Variants in UBE2E2 observed in about 807,000 individuals in gnomAD.
The protein encoded by UBE2E2 is ubiquitin-conjugating enzyme E2 E2.
A neutral mutation model predicts 24.7 loss-of-function variants in UBE2E2; 6 were observed. The observed-to-expected ratio is 0.24, with a 90% confidence interval of 0.13 to 0.48. The LOEUF is 0.48. Among genes scored for constraint, UBE2E2 ranks in the 20% least tolerant of loss-of-function variants. The pLI is 0.99. For synonymous variants in UBE2E2, 104 were observed against 83.6 expected, an observed-to-expected ratio of 1.24 and a Z score of -1.33; for missense variants, 169 against 245.0, an observed-to-expected ratio of 0.69 and a Z score of 2.07.
chr3:23,303,837 C>T (rs1699171589), intron 3 of UBE2E2, among the ~76,000 whole-genome samples: 3 of 152,180 alleles, frequency 2.0e-5, no homozygotes, highest in Admixed American at 2.0e-4. Context: ...TCTGACCATT[C>T]TTGGCCTTTT....
intron 3 of UBE2E2, among the ~76,000 whole-genome samples, chr3:23,443,754 A>T (rs916748504): frequency 3.3e-5 from 5 of 152,186 alleles, no homozygotes; most frequent in African/African-American, 9.7e-5. Context: ...TGCATAAAAG[A>T]TGCCCAGTAT....
chr3:23,405,077 A>G (rs1697322070), intron 3 of UBE2E2, among the ~76,000 whole-genome samples: 1 of 152,182 alleles, frequency 6.6e-6, no homozygotes, highest in Non-Finnish European at 1.5e-5. Context: ...GTAATCAGTG[A>G]ATTTTTGAAA....
rs575459865 is a variant in UBE2E2 at position 23,461,649 on chromosome 3, C to T, written c.228-37959C>T. On this transcript the variant is annotated intron_variant, in intron 3 of 5. Transcript: ENST00000396703. ...AATGTAGATAAAATATCCTGAGTTG[C>T]ATTTATAATACATTTTAGTTGAAGC... 8.6e-5 allele frequency among the ~76,000 whole-genome samples: 13 copies of T among 151,822 alleles called. No individual in the cohort carries two copies. In the South Asian group the frequency reaches 2.7e-3, roughly 32 times the overall value.
At chr3:23,424,407 G>A (rs1000794914) in intron 3 of UBE2E2, among the ~76,000 whole-genome samples, 2 of 151,556 alleles carry the variant, frequency 1.3e-5, no homozygotes, top group African/African-American at 2.4e-5. Flanking sequence ...TTTCTGGGAG[G>A]AGAGCACATA....
intron 3 of UBE2E2, among the ~76,000 whole-genome samples, chr3:23,450,345 G>A (rs896520311): frequency 1.3e-5 from 2 of 152,104 alleles, no homozygotes; most frequent in East Asian, 1.9e-4. Flanking sequence ...AGTCCTTGAC[G>A]TGTGGTTCTA....
Position 23,532,567 on chromosome 3 carries a change from C to A in UBE2E2, c.374C>A (p.Thr125Lys). 1 of 1,522,816 alleles carries A rather than the reference C, an allele frequency of 6.6e-7. No homozygotes were observed. Among genetic ancestry groups the A allele is most frequent in the Non-Finnish European group, 8.9e-7 (1 of 1,117,650 alleles). The allele number at this position is 1,522,816 out of a possible 1,614,324, so 94.3% of individuals were successfully genotyped here. The stretch of plus-strand genomic sequence containing the variant: ...ATTTTCTTGTAGGTTACCTTCCGAA[C>A]AAGAATCTATCACTGTAATATTAAC... ...PFKPPKVTFR[T>K]RIYHCNINSQ... The change falls in exon 5 of 6, where the codon ACA becomes AAA. Residue 125 changes from threonine (T) to lysine (K), a missense_variant. Transcript: ENST00000396703.
At chr3:23,585,798 C>G (rs536161112) in intron 5 of UBE2E2, among the ~76,000 whole-genome samples, 7 of 151,096 alleles carry the variant, frequency 4.6e-5, no homozygotes, top group African/African-American at 1.5e-4. Context: ...GAAATATTTT[C>G]TTCTTGTTAG....
intron 3 of UBE2E2, among the ~76,000 whole-genome samples, chr3:23,294,639 C>G (rs938381990): frequency 6.9e-6 from 1 of 143,946 alleles, no homozygotes; most frequent in Non-Finnish European, 1.5e-5. Context: ...ATTTTTGTAT[C>G]TTTAGATTAT....
intron 3 of UBE2E2, among the ~76,000 whole-genome samples, chr3:23,261,579 A>G (rs1697903177): frequency 1.3e-5 from 2 of 152,074 alleles, no homozygotes; most frequent in Admixed American, 1.3e-4. Flanking sequence ...GAAATTTTTC[A>G]TCTTATACTT....
chr3:23,306,894 C>G (rs1451669428), intron 3 of UBE2E2, among the ~76,000 whole-genome samples: 2 of 152,152 alleles, frequency 1.3e-5, no homozygotes, highest in African/African-American at 2.4e-5. Context: ...AAACCAGATT[C>G]TATTATTAAA....
intron 3 of UBE2E2, among the ~76,000 whole-genome samples, chr3:23,451,794 TG>T (rs999546164): frequency 1.3e-5 from 2 of 152,196 alleles, no homozygotes; most frequent in African/African-American, 4.8e-5. Context: ...ATCTCTATGT[TG>T]GTGGAGTTTT....
chr3:23,467,412 C>A (rs1189619513), intron 3 of UBE2E2, among the ~76,000 whole-genome samples: 1 of 152,174 alleles, frequency 6.6e-6, no homozygotes, highest in Non-Finnish European at 1.5e-5. Context: ...ATTTTGGAAT[C>A]CAACTCGCTT....
intron 5 of UBE2E2, among the ~76,000 whole-genome samples, chr3:23,548,239 A>G (rs1695567866): frequency 6.6e-6 from 1 of 152,194 alleles, no homozygotes; most frequent in Admixed American, 6.5e-5. Context: ...CACAACTAGA[A>G]CATCATATAA....
intron 5 of UBE2E2, among the ~76,000 whole-genome samples, chr3:23,541,986 G>A (rs1054746702): frequency 6.6e-5 from 10 of 152,106 alleles, no homozygotes; most frequent in African/African-American, 2.2e-4. Context: ...AATACATAAG[G>A]GAAACTAGGA....
At chr3:23,207,999 C>A (rs759499387) in intron 1 of UBE2E2, among the ~76,000 whole-genome samples, 1 of 152,072 alleles carries the variant, frequency 6.6e-6, no homozygotes, top group African/African-American at 2.4e-5. Flanking sequence ...CTACTCTCCC[C>A]TCACTCCCTG....
At chr3:23,215,313 T>G (rs975694421) in intron 2 of UBE2E2, among the ~76,000 whole-genome samples, 2 of 152,126 alleles carry the variant, frequency 1.3e-5, no homozygotes, top group African/African-American at 4.8e-5. Context: ...AAATTATACA[T>G]TTATTATAAC....
intron 3 of UBE2E2, among the ~76,000 whole-genome samples, chr3:23,228,769 T>A (rs888710243): frequency 6.6e-6 from 1 of 152,194 alleles, no homozygotes; most frequent in Non-Finnish European, 1.5e-5. Flanking sequence ...CAATCCGTAT[T>A]TGTGTAGAGG....
intron 4 of UBE2E2, among the ~76,000 whole-genome samples, chr3:23,504,700 C>T (rs1484050244): frequency 6.6e-6 from 1 of 152,090 alleles, no homozygotes; most frequent in African/African-American, 2.4e-5. Flanking sequence ...TGACAGTTTT[C>T]ATGTATACTG....
chr3:23,436,325 G>T (rs778498), intron 3 of UBE2E2, among the ~76,000 whole-genome samples: 2 of 152,078 alleles, frequency 1.3e-5, no homozygotes, highest in South Asian at 2.1e-4. Context: ...GGTTCATTCT[G>T]CTGTTCCATG....
Sources: allele counts gnomAD v4.1 joint callset (sites outside exome capture counted in the v4.1 genomes callset), GRCh38; gene constraint gnomAD v4.1.1; transcripts MANE v1.5; gene names NCBI Gene and HGNC (gene_info 2026-07-23, HGNC 2026-07-21).